Variants in CCDC102B observed in about 807,000 individuals in gnomAD.
CCDC102B encodes coiled-coil domain-containing protein 102B.
CCDC102B carries 75 observed loss-of-function variants against 57.4 expected under a neutral mutation model. That is an observed-to-expected ratio of 1.31 (90% CI 1.08 to 1.58). CCDC102B has a LOEUF of 1.58. Among genes scored for constraint, CCDC102B ranks in the 40% most tolerant of loss-of-function variants. CCDC102B has a pLI of 0.00. For missense variants in CCDC102B, 636 were observed against 582.6 expected, an observed-to-expected ratio of 1.09 and a Z score of -0.94; for synonymous variants, 206 against 201.9, an observed-to-expected ratio of 1.02 and a Z score of -0.17.
intron 2 of CCDC102B, among the ~76,000 whole-genome samples, chr18:68,785,532 A>T (rs1022170332): frequency 6.6e-4 from 100 of 151,596 alleles, no homozygotes; most frequent in African/African-American, 2.3e-3. Context: ...AACTGGTGTG[A>T]GATGGTATCT....
chr18:68,809,975 G>A (rs2036181797), intron 1 of CCDC102B, among the ~76,000 whole-genome samples: 1 of 152,018 alleles, frequency 6.6e-6, no homozygotes, highest in South Asian at 2.1e-4. Context: ...CTCAAAATTG[G>A]ATAACAATAG....
At chr18:68,731,743 T>C (rs1006019526) in intron 2 of CCDC102B, among the ~76,000 whole-genome samples, 14 of 149,834 alleles carry the variant, frequency 9.3e-5, no homozygotes, top group Non-Finnish European at 1.9e-4. Context: ...TATACAATAA[T>C]GCTCATTCAG....
At chr18:68,885,718 T>C (rs1003838178) in intron 5 of CCDC102B, among the ~76,000 whole-genome samples, 14 of 152,038 alleles carry the variant, frequency 9.2e-5, no homozygotes, top group African/African-American at 2.9e-4. Flanking sequence ...AATTATCAAC[T>C]TCTGTAACCT....
intron 1 of CCDC102B, among the ~76,000 whole-genome samples, chr18:68,834,028 CAT>C (rs5825876): frequency 0.95 from 144,013 of 152,026 alleles, 68,701 homozygotes; most frequent in East Asian, 1. Context: ...GACTTTAGTG[CAT>C]ATGCATATGT....
At chr18:68,904,607 T>A (rs1195996123) in intron 6 of CCDC102B, among the ~76,000 whole-genome samples, 2 of 152,160 alleles carry the variant, frequency 1.3e-5, no homozygotes, top group Non-Finnish European at 2.9e-5. Flanking sequence ...CCCTACTGGT[T>A]TGAAACAATC....
At chr18:68,843,224 T>A (rs1231781963) in intron 3 of CCDC102B, among the ~76,000 whole-genome samples, 1 of 152,188 alleles carries the variant, frequency 6.6e-6, no homozygotes, top group Non-Finnish European at 1.5e-5. Flanking sequence ...TTGTTAACAG[T>A]TTAATACTAT....
intron 6 of CCDC102B, among the ~76,000 whole-genome samples, chr18:68,956,364 T>TATATTATAC (rs2049857827): frequency 1.5e-5 from 1 of 65,956 alleles, no homozygotes; most frequent in Non-Finnish European, 3.2e-5. Context: ...ATATATAATA[T>TATATTATAC]ATATATAAAA....
intron 4 of CCDC102B, among the ~76,000 whole-genome samples, chr18:68,851,762 G>C (rs1314338079): frequency 6.6e-6 from 1 of 152,158 alleles, no homozygotes; most frequent in African/African-American, 2.4e-5. Flanking sequence ...TTAATAGTTT[G>C]AGGATAATGA....
intron 6 of CCDC102B, among the ~76,000 whole-genome samples, chr18:68,982,326 A>C (rs2050609455): frequency 1.3e-5 from 2 of 152,088 alleles, no homozygotes; most frequent in South Asian, 4.1e-4. Flanking sequence ...ATATATGATA[A>C]TTTTATACTA....
At chr18:68,722,102 A>G (rs1212661452) in intron 2 of CCDC102B, among the ~76,000 whole-genome samples, 6 of 152,202 alleles carry the variant, frequency 3.9e-5, no homozygotes, top group Non-Finnish European at 7.3e-5. Flanking sequence ...CTTTATTCAA[A>G]TGGCTTCTGA....
intron 6 of CCDC102B, among the ~76,000 whole-genome samples, chr18:69,002,978 A>G (rs763375304): frequency 6.6e-5 from 10 of 152,162 alleles, no homozygotes; most frequent in Non-Finnish European, 1.3e-4. Context: ...TCCCTCGAGT[A>G]AGTCAACTCC....
intron 5 of CCDC102B, among the ~76,000 whole-genome samples, chr18:68,891,966 G>A (rs2040094173): frequency 6.6e-6 from 1 of 152,094 alleles, no homozygotes; most frequent in African/African-American, 2.4e-5. Flanking sequence ...GGTAACAGGT[G>A]GGTTCTATGG....
intron 7 of CCDC102B, among the ~76,000 whole-genome samples, chr18:69,045,503 T>A (rs1208912033): frequency 3.9e-5 from 6 of 152,152 alleles, no homozygotes; most frequent in African/African-American, 1.2e-4. Flanking sequence ...TCATTTTAAA[T>A]TAATTTTACA....
chr18:68,836,163 G>C (rs1272571612), intron 1 of CCDC102B, among the ~76,000 whole-genome samples: 1 of 152,184 alleles, frequency 6.6e-6, no homozygotes, highest in African/African-American at 2.4e-5. Flanking sequence ...GACCTAAGTA[G>C]AACTGGAATT....
At chr18:68,721,270 A>G (rs904267839) in intron 2 of CCDC102B, 1 of 152,232 alleles carries the variant, frequency 6.6e-6, no homozygotes, top group Non-Finnish European at 1.5e-5. Flanking sequence ...CAAAATGAGC[A>G]TGCCCATGTA....
chr18:69,053,961 T>G, intron 7 of CCDC102B, 69 bp from the exon 8 acceptor site: 4 of 1,228,036 alleles, frequency 3.3e-6, no homozygotes, highest in Non-Finnish European at 4.6e-6. Context: ...AGATGTTATT[T>G]ACTATAGCCA....
intron 6 of CCDC102B, among the ~76,000 whole-genome samples, chr18:68,932,372 T>G (rs960466715): frequency 1.3e-5 from 2 of 151,944 alleles, no homozygotes; most frequent in Non-Finnish European, 2.9e-5. Context: ...TGTATAGATA[T>G]AAGTCATTTC....
intron 2 of CCDC102B, among the ~76,000 whole-genome samples, chr18:68,783,350 G>A (rs934776332): frequency 1.3e-5 from 2 of 152,074 alleles, no homozygotes; most frequent in Admixed American, 6.6e-5. Flanking sequence ...ACTTTGTGAT[G>A]TGTCTCTCCC....
intron 6 of CCDC102B, among the ~76,000 whole-genome samples, chr18:68,931,736 A>T (rs2041679526): frequency 6.6e-6 from 1 of 151,952 alleles, no homozygotes; most frequent in Non-Finnish European, 1.5e-5. Flanking sequence ...TAGAGAGCAC[A>T]GGTATGTATC....
Sources: gnomAD v4.1 joint callset for allele counts (sites outside exome capture counted in the v4.1 genomes callset) on GRCh38, gnomAD v4.1.1 for gene constraint, MANE v1.5 for transcripts, NCBI Gene and HGNC (gene_info 2026-07-23, HGNC 2026-07-21) for gene names.